Variants in SYNE1 observed in about 807,000 individuals in gnomAD.
The protein encoded by SYNE1 is spectrin repeat containing nuclear envelope protein 1, also known as nesprin-1.
A neutral mutation model predicts 1,111.0 loss-of-function variants in SYNE1; 616 were observed. The observed-to-expected ratio is 0.55, with a 90% CI of 0.52 to 0.59. SYNE1 has a LOEUF of 0.59. Among genes scored for constraint, SYNE1 ranks in the 20% least tolerant of loss-of-function variants. SYNE1 has a pLI of 0.00. For missense variants in SYNE1, 10,006 were observed against 10,417.0 expected (o/e 0.96, Z 1.72); for synonymous variants, 3,855 against 3,825.8 (o/e 1.01, Z -0.28).
chr6:152,168,470 G>T (rs1352791591), intron 130 of SYNE1: 5 of 423,282 alleles, frequency 1.2e-5, no homozygotes, highest in Non-Finnish European at 2.1e-5. Context: ...AGTGTAATCT[G>T]TAAGGAGGAG....
At chr6:152,242,209 T>G in intron 107 of SYNE1, 31 bp downstream of exon 107, 6 of 1,569,412 alleles carry the variant, frequency 3.8e-6, no homozygotes, top group Non-Finnish European at 4.4e-6. Flanking sequence ...CCAATTACAT[T>G]TTCTCTCTAT....
At chr6:152,349,224 G>A (rs899124626) in intron 72 of SYNE1, among the ~76,000 whole-genome samples, 1 of 152,132 alleles carries the variant, frequency 6.6e-6, no homozygotes, top group Non-Finnish European at 1.5e-5. Flanking sequence ...TGGTAAACAC[G>A]ATTACTAAAA....
intron 98 of SYNE1, among the ~76,000 whole-genome samples, chr6:152,274,544 A>G (rs1387877059): frequency 6.6e-6 from 1 of 152,070 alleles, no homozygotes. Flanking sequence ...GGGGTCATAC[A>G]GAACTTTTTT....
At chr6:152,511,596 C>T in intron 6 of SYNE1, 1 of 1,612,202 alleles carries the variant, frequency 6.2e-7, no homozygotes. Flanking sequence ...CATGGACTGA[C>T]ATGAAAAACA....
At chr6:152,500,306 C>T (rs1469842778) in intron 10 of SYNE1, among the ~76,000 whole-genome samples, 3 of 152,164 alleles carry the variant, frequency 2.0e-5, no homozygotes, top group Admixed American at 6.5e-5. Context: ...TCAATCCATG[C>T]CAGCATTTGC....
At chr6:152,335,922 A>G (rs1289891266) in intron 76 of SYNE1, 1 of 152,058 alleles carries the variant, frequency 6.6e-6, no homozygotes, top group Non-Finnish European at 1.5e-5. Flanking sequence ...CCTGGCCTCA[A>G]GTGATCTGCC....
intron 3 of SYNE1, among the ~76,000 whole-genome samples, chr6:152,575,574 A>G (rs769560290): frequency 6.6e-6 from 1 of 152,240 alleles, no homozygotes; most frequent in Non-Finnish European, 1.5e-5. Context: ...GCATTTCACT[A>G]CAGTTCAGTA....
intron 4 of SYNE1, among the ~76,000 whole-genome samples, chr6:152,532,471 A>C (rs1312563431): frequency 6.6e-6 from 1 of 152,236 alleles, no homozygotes; most frequent in African/African-American, 2.4e-5. Flanking sequence ...CTAGGTACCT[A>C]GTGATACCAA....
chr6:152,382,112 T>A (rs1038006028), intron 55 of SYNE1, among the ~76,000 whole-genome samples: 1 of 152,200 alleles, frequency 6.6e-6, no homozygotes, highest in Non-Finnish European at 1.5e-5. Context: ...TTAAATCACA[T>A]TGTTAAATTG....
chr6:152,143,556 C>A, intron 138 of SYNE1, 67 bp downstream of exon 138: 1 of 1,609,958 alleles, frequency 6.2e-7, no homozygotes, highest in Non-Finnish European at 8.5e-7. Flanking sequence ...ATGCTGCAGA[C>A]GAACTGTTCT....
chr6:152,408,130 T>C (rs1247393555), intron 44 of SYNE1, among the ~76,000 whole-genome samples: 1 of 152,148 alleles, frequency 6.6e-6, no homozygotes, highest in African/African-American at 2.4e-5. Context: ...TTTATTATAT[T>C]ACACAAATAT....
In SYNE1 at chr6:152,329,946, T is replaced by C. The variant is rs762707993; in HGVS notation, c.14739A>G (p.Leu4913=). The stretch of plus-strand genomic sequence containing the variant: ...CTTGGATGTCCTGCAGGTTGAGGTC[T>C]AGGTACACCGGCCCACTGAGCTCTG... ...VKAELSGPVY[L]DLNLQDIQEE... is the part of the protein sequence containing the mutation. Residue 4913 remains leucine (L), a synonymous_variant, in exon 78 of 146, where the codon CTA becomes CTG. Transcript: ENST00000367255. 1.9e-6 allele frequency: 3 copies of C among 1,614,214 alleles called. No homozygotes were observed. The East Asian group carries it at 6.7e-5, about 36-fold the overall frequency.
rs751282494 is a variant in SYNE1 at position 152,329,855 on chromosome 6, G to A, written c.14830C>T (p.Leu4944=). 1 of 1,614,166 alleles carries A rather than the reference G, an allele frequency of 6.2e-7. No individual in the cohort carries two copies. The highest frequency in any genetic ancestry group is 8.5e-7 in the Non-Finnish European group (1 of 1,180,032). ...AACTTCTCCTTTTCCTTGTGACTCA[G>A]CGCATTCATGATTCTCAAGCTGGAC... The part of the protein sequence containing the change: ...VQSSLRIMNA[L]SHKEKEKFTK... The change falls in exon 78 of 146, where the codon CTG becomes TTG. Residue 4944 remains leucine (L), a synonymous_variant. Transcript: ENST00000367255.
At chr6:152,203,134 C>T (rs2075846467) in intron 126 of SYNE1, among the ~76,000 whole-genome samples, 1 of 151,994 alleles carries the variant, frequency 6.6e-6, no homozygotes. Context: ...CAATGGTTAC[C>T]TCTTGAGAAT....
intron 107 of SYNE1, among the ~76,000 whole-genome samples, 182 bp downstream of exon 107, chr6:152,242,058 C>T (rs936863322): frequency 6.6e-6 from 1 of 152,110 alleles, no homozygotes; most frequent in African/African-American, 2.4e-5. Context: ...CCTATAATTT[C>T]TCTGTGCTAC....
chr6:152,241,538 C>T (rs2085712660), intron 107 of SYNE1, among the ~76,000 whole-genome samples: 1 of 11,288 alleles, frequency 8.9e-5, no homozygotes, highest in African/African-American at 5.6e-4. Flanking sequence ...GTGAAATACG[C>T]ATTCTTCTAC....
At chr6:152,580,986 T>C (rs1319325359) in intron 3 of SYNE1, among the ~76,000 whole-genome samples, 1 of 152,246 alleles carries the variant, frequency 6.6e-6, no homozygotes, top group African/African-American at 2.4e-5. Context: ...GTAATGTTGC[T>C]CTTCTCTTGG....
chr6:152,259,866 G>A (rs959415783), intron 101 of SYNE1, among the ~76,000 whole-genome samples: 6 of 151,944 alleles, frequency 3.9e-5, no homozygotes, highest in African/African-American at 1.5e-4. Context: ...ATGCAAAAAT[G>A]TCATTAAAAA....
At chr6:152,394,043 T>C (rs2097691495) in intron 51 of SYNE1, among the ~76,000 whole-genome samples, 1 of 152,182 alleles carries the variant, frequency 6.6e-6, no homozygotes. Flanking sequence ...GTTCTCATTG[T>C]TTAACTCCCA....
Sources: gnomAD v4.1 joint callset for allele counts (sites outside exome capture counted in the v4.1 genomes callset) on GRCh38, gnomAD v4.1.1 for gene constraint, MANE v1.5 for transcripts, NCBI Gene and HGNC (gene_info 2026-07-23, HGNC 2026-07-21) for gene names.